The following WLS variants were observed in gnomAD, a reference collection of about 807,000 sequenced individuals.
WLS encodes Wnt ligand secretion mediator.
In WLS, 23 loss-of-function variants were observed where a neutral mutation model predicts 62.8. The ratio of observed to expected loss-of-function variants is 0.37; its 90% CI spans 0.26 to 0.52. The LOEUF (loss-of-function observed/expected upper bound fraction) is 0.52. WLS is among the 20% of genes least tolerant of loss of function. The pLI, the probability that WLS is intolerant of heterozygous loss-of-function variation, is 0.92. For missense variants in WLS, 615 were observed against 697.3 expected, an observed-to-expected ratio of 0.88 and a Z score of 1.33; for synonymous variants, 246 against 244.1, an observed-to-expected ratio of 1.01 and a Z score of -0.07.
Position 68,126,277 on chromosome 1 carries a change from C to CA in WLS, c.1574dup (p.Asp526GlyfsTer5). On this transcript the variant is annotated frameshift_variant, in exon 12 of 12. Transcript: ENST00000262348. LOFTEE classifies it high-confidence loss of function. ...ACTTGTAGATCTCAGTGGGTCCGTC[C>CA]ACATGGGTGATAGTGGTGGTGAGCT... is the stretch of plus-strand genomic sequence containing the variant. The CA allele has an allele frequency of 6.2e-7, 1 of 1,612,830 alleles. No homozygotes were observed. The highest frequency in any genetic ancestry group is 8.5e-7 in the Non-Finnish European group (1 of 1,179,628).
At chr1:68,107,193 A>G (rs761270176) in intron 11 of WLS, among the ~76,000 whole-genome samples, 9 of 152,096 alleles carry the variant, frequency 5.9e-5, no homozygotes, top group Non-Finnish European at 1.3e-4. Context: ...GTGAATCTTC[A>G]TTGACTTAAA....
At chr1:68,152,652 C>G (rs1646842599) in intron 5 of WLS, among the ~76,000 whole-genome samples, 1 of 152,090 alleles carries the variant, frequency 6.6e-6, no homozygotes, top group African/African-American at 2.4e-5. Flanking sequence ...CTGGAAAGGA[C>G]TCAAGAGAGA....
Position 68,137,814 on chromosome 1 carries a change from T to C in WLS, c.1482A>G (p.Pro494=). 1 of 1,613,896 alleles carries C rather than the reference T, an allele frequency of 6.2e-7. No individual in the cohort carries two copies. Among genetic ancestry groups the C allele is most frequent in the South Asian group, 1.1e-5 (1 of 91,058 alleles). The change falls in exon 11 of 12, where the codon CCA becomes CCG. Residue 494 remains proline, a synonymous_variant. Coordinates refer to ENST00000262348, the MANE Select transcript of WLS (RefSeq NM_024911.7). ...GGTCTTCTCCATAGTTTTTATGGGATGGTGCATACAAGAACATCAGAGCAA... is the reference window on the plus strand; with the variant it reads ...GGTCTTCTCCATAGTTTTTATGGGACGGTGCATACAAGAACATCAGAGCAA... ...YVFALMFLYA[P]SHKNYGEDQS... is the part of the protein sequence containing the mutation.
intron 2 of WLS, among the ~76,000 whole-genome samples, chr1:68,178,612 G>A (rs529905470): frequency 7.7e-4 from 117 of 151,462 alleles, no homozygotes; most frequent in Non-Finnish European, 1.4e-3. Flanking sequence ...AGGCTGAGAC[G>A]GGAGAATCAC....
intron 9 of WLS, 114 bp downstream of exon 9, chr1:68,145,755 C>G: frequency 6.7e-7 from 1 of 1,498,346 alleles, no homozygotes; most frequent in South Asian, 1.4e-5. Context: ...ATGAGAATCT[C>G]TCAATTTGTA....
chr1:68,149,683 G>C (rs1646799793), intron 6 of WLS, among the ~76,000 whole-genome samples: 1 of 152,068 alleles, frequency 6.6e-6, no homozygotes, highest in Admixed American at 6.5e-5. Flanking sequence ...AGGAGACCGG[G>C]AAGGTCTGTA....
intron 1 of WLS, among the ~76,000 whole-genome samples, chr1:68,226,754 A>T (rs1382942324): frequency 1.3e-5 from 2 of 152,200 alleles, no homozygotes; most frequent in Non-Finnish European, 2.9e-5. Context: ...ACACCCTAAT[A>T]GATATTTTGC....
At chr1:68,177,192 T>G (rs750037636) in intron 2 of WLS, among the ~76,000 whole-genome samples, 1 of 152,364 alleles carries the variant, frequency 6.6e-6, no homozygotes, top group East Asian at 1.9e-4. Context: ...ATTGCTTCAG[T>G]GCTGATCAGC....
intron 2 of WLS, among the ~76,000 whole-genome samples, chr1:68,161,034 TG>T (rs1646964651): frequency 1.3e-5 from 2 of 152,210 alleles, no homozygotes; most frequent in African/African-American, 4.8e-5. Context: ...TTATTCTTCT[TG>T]AACCGTTTTA....
intron 11 of WLS, among the ~76,000 whole-genome samples, chr1:68,113,951 G>A (rs763333199): frequency 6.6e-6 from 1 of 152,184 alleles, no homozygotes; most frequent in Non-Finnish European, 1.5e-5. Context: ...AAAGAAACAT[G>A]CTTAAAAATC....
Position 68,162,702 on chromosome 1 carries a change from G to A in WLS, c.380-3455C>T, listed in dbSNP as rs1646997570. On this transcript the variant is annotated intron_variant, in intron 2 of 11. Coordinates refer to ENST00000262348, the MANE Select transcript of WLS (RefSeq NM_024911.7). ...TGGTAGAGTCCGGTGTCTCTTCCACGGCTGCAGACGGGATATTGCACACAG... is the reference window on the plus strand; with the variant it reads ...TGGTAGAGTCCGGTGTCTCTTCCACAGCTGCAGACGGGATATTGCACACAG... 2.5e-5 allele frequency: 30 copies of A among 1,205,678 alleles called. No homozygotes were observed. In the South Asian group the frequency reaches 3.3e-4, roughly 13 times the overall value. 74.7% of individuals were successfully genotyped at this position (1,205,678 alleles called of 1,614,324 possible). A position where few individuals can be genotyped will look rare whatever the true frequency, so the allele number is the denominator to read the frequency against.
rs1489833525 is a variant in WLS at position 68,098,512 on chromosome 1, T to C, written c.*120A>G. The C allele has an allele frequency of 3.5e-6, 5 of 1,442,560 alleles. No homozygotes were observed. The Admixed American group carries it at 1.2e-4, about 34-fold the overall frequency. The allele number at this position is 1,442,560 out of a possible 1,614,324, so 89.4% of individuals were successfully genotyped here. A position where few individuals can be genotyped will look rare whatever the true frequency, so the allele number is the denominator to read the frequency against. ...TATTTATTGTTGACGCTTTTTTCCT[T>C]ATATTTAACATTTTGAGATAAAGGC... On this transcript the variant is annotated 3_prime_UTR_variant, in exon 12 of 12. Transcript: ENST00000354777.
At chr1:68,214,457 C>T (rs1649650760) in intron 1 of WLS, among the ~76,000 whole-genome samples, 1 of 152,010 alleles carries the variant, frequency 6.6e-6, no homozygotes, top group African/African-American at 2.4e-5. Flanking sequence ...CTCTGCCTCC[C>T]AGTTTCAAGT....
chr1:68,122,683 A>T (rs1315483865), downstream of WLS, among the ~76,000 whole-genome samples: 3 of 152,194 alleles, frequency 2.0e-5, no homozygotes, highest in Non-Finnish European at 2.9e-5. Flanking sequence ...GCCAATAATA[A>T]ATTTTTTCTC....
At chr1:68,139,057 C>T (rs918385605) in intron 10 of WLS, among the ~76,000 whole-genome samples, 20 of 152,172 alleles carry the variant, frequency 1.3e-4, no homozygotes, top group Non-Finnish European at 2.8e-4. Context: ...GTATTTTTTT[C>T]TGAAAGACCA....
intron 1 of WLS, among the ~76,000 whole-genome samples, chr1:68,217,507 G>A (rs542668424): frequency 1.5e-4 from 23 of 152,226 alleles, no homozygotes; most frequent in African/African-American, 5.1e-4. Context: ...AGTGGTTAAC[G>A]GGAACATCAA....
intron 11 of WLS, among the ~76,000 whole-genome samples, chr1:68,115,898 T>C (rs1203723574): frequency 6.6e-6 from 1 of 152,014 alleles, no homozygotes; most frequent in Non-Finnish European, 1.5e-5. Context: ...ATTCCACTAG[T>C]CTTCCACCCT....
chr1:68,213,381 G>A (rs1254796934), intron 1 of WLS, among the ~76,000 whole-genome samples: 1 of 149,788 alleles, frequency 6.7e-6, no homozygotes, highest in East Asian at 2.0e-4. Flanking sequence ...AACCCGGGAC[G>A]CAGAGGTTGC....
At chr1:68,151,139 C>A (rs1646820343) in intron 5 of WLS, among the ~76,000 whole-genome samples, 1 of 152,192 alleles carries the variant, frequency 6.6e-6, no homozygotes, top group South Asian at 2.1e-4. Flanking sequence ...ACCAGGACTT[C>A]TGACTTTGAC....
Sources: allele counts gnomAD v4.1 joint callset (sites outside exome capture counted in the v4.1 genomes callset), GRCh38; gene constraint gnomAD v4.1.1; transcripts MANE v1.5; gene names NCBI Gene and HGNC (gene_info 2026-07-23, HGNC 2026-07-21).